GRM1: variants seen among roughly 807,000 people sequenced by gnomAD.
The protein encoded by GRM1 is metabotropic glutamate receptor 1.
Under a neutral mutation model 90.9 loss-of-function variants are expected in GRM1, and 33 were observed. The observed-to-expected ratio is 0.36, with a 90% CI of 0.28 to 0.49. GRM1 has a LOEUF of 0.49. GRM1 is among the 20% of genes least tolerant of loss of function. The probability of loss-of-function intolerance (pLI) is 0.99; values close to 1 mark genes in which losing one functional copy is unlikely to be tolerated. For synonymous variants in GRM1, 700 were observed against 613.2 expected (o/e 1.14, Z -2.09); for missense variants, 1,190 against 1,534.3 (o/e 0.78, Z 3.75).
At chr6:146,050,888 T>C (rs571471411) in intron 1 of GRM1, among the ~76,000 whole-genome samples, 16 of 152,226 alleles carry the variant, frequency 1.1e-4, no homozygotes, top group African/African-American at 3.8e-4. Flanking sequence ...CCTGTGAACC[T>C]GTGATCCAGT....
chr6:146,368,635 T>C (rs898255815), intron 5 of GRM1, among the ~76,000 whole-genome samples: 5 of 152,078 alleles, frequency 3.3e-5, no homozygotes, highest in African/African-American at 1.2e-4. Context: ...AATGATCATA[T>C]CGTTTTTGTT....
intron 1 of GRM1, among the ~76,000 whole-genome samples, chr6:146,139,531 C>T (rs768412947): frequency 6.6e-6 from 1 of 152,056 alleles, no homozygotes; most frequent in Admixed American, 6.5e-5. Flanking sequence ...TTGTTATATC[C>T]TCTTGGTGAA....
intron 1 of GRM1, among the ~76,000 whole-genome samples, chr6:146,103,255 A>T (rs1228103797): frequency 6.6e-6 from 1 of 152,154 alleles, no homozygotes; most frequent in African/African-American, 2.4e-5. Context: ...TTAATGAAAA[A>T]TTTTTAACAG....
intron 5 of GRM1, among the ~76,000 whole-genome samples, chr6:146,377,675 A>T (rs1459168543): frequency 6.6e-6 from 1 of 152,200 alleles, no homozygotes; most frequent in Admixed American, 6.5e-5. Context: ...GAGTAGCCCA[A>T]TGCTAATCAC....
Position 146,253,069 on chromosome 6 carries a change from T to G in GRM1, c.951-51542T>G, listed in dbSNP as rs1233052004. On this transcript the variant is annotated intron_variant, in intron 2 of 7. Transcript: ENST00000282753. ...GCGAATCTCCATCTCAAAAAAAAAA[T>G]TGATAAATTGTATGATATTAAAATA... Among the ~76,000 whole-genome samples, 5 of 148,512 alleles carry G rather than the reference T, an allele frequency of 3.4e-5. No homozygotes were observed. In the East Asian group the frequency reaches 9.7e-4, roughly 29 times the overall value.
chr6:146,392,939 T>G (rs1776786014), intron 6 of GRM1, among the ~76,000 whole-genome samples: 1 of 152,178 alleles, frequency 6.6e-6, no homozygotes. Flanking sequence ...TCTATCATTG[T>G]GGGCATTTGG....
chr6:146,431,962 G>A (rs975068508), intron 7 of GRM1, among the ~76,000 whole-genome samples: 7 of 152,202 alleles, frequency 4.6e-5, no homozygotes, highest in Non-Finnish European at 1.0e-4. Flanking sequence ...GAGCAACTGT[G>A]GATTCTGGTG....
intron 1 of GRM1, among the ~76,000 whole-genome samples, chr6:146,092,504 C>G (rs892886404): frequency 6.6e-6 from 1 of 152,062 alleles, no homozygotes; most frequent in African/African-American, 2.4e-5. Flanking sequence ...AGATTAGACT[C>G]ATGGTACAGT....
At chr6:146,370,909 T>A (rs1288592046) in intron 5 of GRM1, among the ~76,000 whole-genome samples, 1 of 152,138 alleles carries the variant, frequency 6.6e-6, no homozygotes. Context: ...AACTTTTTGA[T>A]CATTTTATGT....
chr6:146,171,521 C>A (rs1448678777), intron 2 of GRM1: 1 of 209,456 alleles, frequency 4.8e-6, no homozygotes. Flanking sequence ...TAAAAAGTAT[C>A]CCGTGACAAC....
intron 1 of GRM1, among the ~76,000 whole-genome samples, chr6:146,078,281 A>G (rs1776255074): frequency 6.6e-6 from 1 of 152,198 alleles, no homozygotes; most frequent in Non-Finnish European, 1.5e-5. Context: ...TTGTTGCTAA[A>G]TTCTTTGCCT....
chr6:146,121,415 G>GT (rs1189996524), intron 1 of GRM1, among the ~76,000 whole-genome samples: 1 of 152,016 alleles, frequency 6.6e-6, no homozygotes, highest in Non-Finnish European at 1.5e-5. Context: ...TTTTTGAAGG[G>GT]TTTTTTGTGT....
chr6:146,227,602 T>A (rs901275128), intron 2 of GRM1, among the ~76,000 whole-genome samples: 1 of 152,200 alleles, frequency 6.6e-6, no homozygotes, highest in Non-Finnish European at 1.5e-5. Context: ...ATGGTTCTGA[T>A]TCATGAATGC....
chr6:146,264,684 T>C (rs1261448842), intron 2 of GRM1, among the ~76,000 whole-genome samples: 1 of 152,144 alleles, frequency 6.6e-6, no homozygotes, highest in Admixed American at 6.5e-5. Flanking sequence ...CTCATCCCTC[T>C]GCTACCCTAC....
Position 146,077,799 on chromosome 6 carries a change from A to C in GRM1, c.700+47582A>C, listed in dbSNP as rs537933461. On this transcript the variant is annotated intron_variant, in intron 1 of 7. Transcript: ENST00000282753. ...ATGCCCTCATACACCAGGCCCTGGT[A>C]TGGGCATAGAGGTAATTCTCTATTT... Among the ~76,000 whole-genome samples, 3 of 152,276 alleles carry C rather than the reference A, an allele frequency of 2.0e-5. No individual in the cohort carries two copies. In the South Asian group the frequency reaches 6.2e-4, roughly 32 times the overall value.
At chr6:146,400,744 A>G (rs1324272051) in intron 7 of GRM1, among the ~76,000 whole-genome samples, 1 of 152,126 alleles carries the variant, frequency 6.6e-6, no homozygotes, top group African/African-American at 2.4e-5. Flanking sequence ...AGCAGCATTA[A>G]TTTCACTCTT....
intron 1 of GRM1, among the ~76,000 whole-genome samples, chr6:146,150,341 C>T (rs1055323093): frequency 6.6e-6 from 1 of 152,052 alleles, no homozygotes; most frequent in East Asian, 1.9e-4. Context: ...AATAGTTTTC[C>T]AGAAGGTGCT....
chr6:146,045,913 C>T (rs907439776), intron 1 of GRM1, among the ~76,000 whole-genome samples: 19 of 151,988 alleles, frequency 1.3e-4, no homozygotes, highest in African/African-American at 4.6e-4. Flanking sequence ...TTCTCAATCA[C>T]TCTCTTTATA....
intron 2 of GRM1, among the ~76,000 whole-genome samples, chr6:146,230,964 TAG>T (rs1288510125): frequency 6.6e-6 from 1 of 151,940 alleles, no homozygotes; most frequent in Non-Finnish European, 1.5e-5. Flanking sequence ...AGTAAAACTA[TAG>T]AGACAATAAA....
Sources: gnomAD v4.1 joint callset for allele counts (sites outside exome capture counted in the v4.1 genomes callset) on GRCh38, gnomAD v4.1.1 for gene constraint, MANE v1.5 for transcripts, NCBI Gene and HGNC (gene_info 2026-07-23, HGNC 2026-07-21) for gene names.